SNX31: variants seen among roughly 807,000 people sequenced by gnomAD.
The protein encoded by SNX31 is sorting nexin 31.
Under a neutral mutation model 65.4 loss-of-function variants are expected in SNX31, and 58 were observed. The ratio of observed to expected loss-of-function variants is 0.89; its 90% CI spans 0.72 to 1.10. The LOEUF (loss-of-function observed/expected upper bound fraction) is 1.10. Among genes scored for constraint, SNX31 ranks in the 50% least tolerant of loss-of-function variants. The pLI is 0.00. For synonymous variants in SNX31, 181 were observed against 190.1 expected (o/e 0.95, Z 0.39); for missense variants, 523 against 529.7 (o/e 0.99, Z 0.12).
intron 12 of SNX31, among the ~76,000 whole-genome samples, chr8:100,581,973 T>C (rs1563511740): frequency 6.6e-6 from 1 of 152,172 alleles, no homozygotes; most frequent in Non-Finnish European, 1.5e-5. Context: ...CAAAATCCTC[T>C]TGGAAACCCA....
chr8:100,639,859 G>T (rs1486579661), intron 2 of SNX31, among the ~76,000 whole-genome samples: 3 of 152,056 alleles, frequency 2.0e-5, no homozygotes, highest in Non-Finnish European at 4.4e-5. Flanking sequence ...TATAAGATGG[G>T]CCTGGAGTAC....
intron 12 of SNX31, among the ~76,000 whole-genome samples, chr8:100,580,754 G>C (rs1813421979): frequency 1.3e-5 from 2 of 152,086 alleles, no homozygotes; most frequent in South Asian, 4.1e-4. Flanking sequence ...CCTACCTCTG[G>C]ACTTCTTTTA....
chr8:100,575,636 C>A lies in SNX31; in HGVS notation c.1227+1383G>T, dbSNP rs965093613. 6.6e-6 allele frequency among the ~76,000 whole-genome samples: 1 copy of A among 152,196 alleles called. No homozygotes were observed. Among genetic ancestry groups the A allele is most frequent in the African/African-American group, 2.4e-5 (1 of 41,442 alleles). Reference sequence around the variant, plus strand: ...GGCGTGTTAAAGAGATTGCTGCGGCCTTCCCCCAGAGCTGCTGATCCAGTA... The same window carrying A: ...GGCGTGTTAAAGAGATTGCTGCGGCATTCCCCCAGAGCTGCTGATCCAGTA... On this transcript the variant is annotated intron_variant, in intron 13 of 13. Coordinates refer to ENST00000311812, the MANE Select transcript of SNX31 (RefSeq NM_152628.4). This position sits in a 1 kb window ranked among gnomAD's most constrained non-coding sequence, Gnocchi z 5.1.
chr8:100,599,642 G>C (rs372413998), intron 9 of SNX31, among the ~76,000 whole-genome samples: 5 of 151,744 alleles, frequency 3.3e-5, no homozygotes, highest in Admixed American at 3.3e-4. Context: ...GTTGTATTTC[G>C]TTCAAAAATC....
rs553906071 is a variant in SNX31 at position 100,613,798 on chromosome 8, C to T, written c.433-713G>A. ...TGGACATCTACTCACGCTCCCTTAG[C>T]AGAAAATTCTACACGACCACAGGCT... is the stretch of plus-strand genomic sequence containing the variant. On this transcript the variant is annotated intron_variant, in intron 5 of 13. Coordinates refer to ENST00000311812, the MANE Select transcript of SNX31 (RefSeq NM_152628.4). The surrounding 1 kb of genome is among the most constrained non-coding windows in gnomAD (Gnocchi z 5.2). Among the ~76,000 whole-genome samples, 2 of 152,164 alleles carry T rather than the reference C, an allele frequency of 1.3e-5. No individual in the cohort carries two copies. Among genetic ancestry groups the T allele is most frequent in the African/African-American group, 4.8e-5 (2 of 41,434 alleles).
chr8:100,653,425 A>G (rs1443649061), upstream of SNX31, among the ~76,000 whole-genome samples: 1 of 152,210 alleles, frequency 6.6e-6, no homozygotes, highest in Admixed American at 6.5e-5. Context: ...ATCCTACTGG[A>G]TTAGGGCAGC....
intron 5 of SNX31, among the ~76,000 whole-genome samples, chr8:100,615,621 T>C (rs1586958517): frequency 6.6e-6 from 1 of 152,348 alleles, no homozygotes; most frequent in East Asian, 1.9e-4. Flanking sequence ...GCTATACACC[T>C]AGGCTAGACG....
intron 4 of SNX31, chr8:100,618,304 T>A: frequency 6.5e-7 from 1 of 1,529,412 alleles, no homozygotes; most frequent in Non-Finnish European, 8.8e-7. Flanking sequence ...AAAGTCTGCA[T>A]CCTTAACAGT....
chr8:100,580,856 T>C (rs921719592), intron 12 of SNX31, among the ~76,000 whole-genome samples: 3 of 152,230 alleles, frequency 2.0e-5, no homozygotes, highest in Non-Finnish European at 4.4e-5. Flanking sequence ...CTAACTAATA[T>C]ACTTTATTTT....
Position 100,604,722 on chromosome 8 carries a change from A to T in SNX31, c.681+3772T>A, listed in dbSNP as rs749815486. 2.0e-5 allele frequency among the ~76,000 whole-genome samples: 3 copies of T among 152,228 alleles called. No homozygotes were observed. Among genetic ancestry groups the T allele is most frequent in the Non-Finnish European group, 4.4e-5 (3 of 68,044 alleles). On this transcript the variant is annotated intron_variant, in intron 8 of 13. Coordinates refer to ENST00000311812, the MANE Select transcript of SNX31 (RefSeq NM_152628.4). The surrounding 1 kb of genome is among the most constrained non-coding windows in gnomAD (Gnocchi z 4.3). ...ATTTTTAAACTCAGGTTAAAAGAGG[A>T]GCAGAAGAAAGGAAACAGGCTGTGG...
At chr8:100,601,923 T>C (rs778334533) in intron 8 of SNX31, among the ~76,000 whole-genome samples, 25 of 152,296 alleles carry the variant, frequency 1.6e-4, no homozygotes, top group South Asian at 4.1e-4. Flanking sequence ...GTGCTCTTTC[T>C]CTCTCCTCTT....
Position 100,617,966 on chromosome 8 carries a change from G to A in SNX31, c.322-236C>T, listed in dbSNP as rs1817373676. On this transcript the variant is annotated intron_variant, in intron 4 of 13. Transcript: ENST00000311812. Reference sequence around the variant, plus strand: ...TTTTTAGTAGAGACGGGGTTTTACTGTGTTGGCCAGGCTGGTCTCAAACTC... The same window carrying A: ...TTTTTAGTAGAGACGGGGTTTTACTATGTTGGCCAGGCTGGTCTCAAACTC... 3 of 509,966 alleles carry A rather than the reference G, an allele frequency of 5.9e-6. No individual in the cohort carries two copies. In the African/African-American group the frequency reaches 6.3e-5, roughly 11 times the overall value. 31.6% of individuals were successfully genotyped at this position (509,966 alleles called of 1,614,324 possible).
chr8:100,586,556 G>A (rs1814068125), intron 11 of SNX31, among the ~76,000 whole-genome samples: 3 of 152,132 alleles, frequency 2.0e-5, no homozygotes, highest in African/African-American at 7.2e-5. Flanking sequence ...GAGGTTGGGA[G>A]GTAGTTTTAC....
intron 4 of SNX31, among the ~76,000 whole-genome samples, chr8:100,627,300 C>G (rs113256160): frequency 6.6e-6 from 1 of 152,124 alleles, no homozygotes; most frequent in Non-Finnish European, 1.5e-5. Context: ...TGTGGTGAGC[C>G]GAGATCATGC....
chr8:100,649,343 G>C lies in SNX31; in HGVS notation c.72C>G (p.Tyr24Ter). 2 of 1,613,958 alleles carry C rather than the reference G, an allele frequency of 1.2e-6. No homozygotes were observed. The highest frequency in any genetic ancestry group is 1.7e-6 in the Non-Finnish European group (2 of 1,179,850). ...AGAGGAACCCGTCCAGGTGCACGGA[G>C]TACAGCTGCAAACACACAGACACCC... Reference protein sequence around the residue: ...SDALGGRYVLYSVHLDGFLFC... With the variant: ...SDALGGRYVL The change falls in exon 2 of 14, where the codon TAC becomes TAG. Residue 24 changes from tyrosine to a stop codon, truncating the protein, a stop_gained. Coordinates refer to ENST00000311812, the MANE Select transcript of SNX31 (RefSeq NM_152628.4). LOFTEE classifies it high-confidence loss of function.
intron 4 of SNX31, among the ~76,000 whole-genome samples, chr8:100,623,089 A>G (rs1425062151): frequency 6.6e-6 from 1 of 152,214 alleles, no homozygotes; most frequent in Non-Finnish European, 1.5e-5. Context: ...TAATTGGCTC[A>G]CAGTTCTGCA....
In SNX31 at chr8:100,612,204, A is replaced by T. The variant is rs1477615149; in HGVS notation, c.524-117T>A. ...TTGGAAATAATAAAATCACAGTAAG[A>T]ATATCCTCTGTATTTACACGTAATT... On this transcript the variant is annotated intron_variant, in intron 6 of 13. Coordinates refer to ENST00000311812, the MANE Select transcript of SNX31 (RefSeq NM_152628.4). The surrounding 1 kb of genome is among the most constrained non-coding windows in gnomAD (Gnocchi z 4.3). 3.1e-6 allele frequency: 2 copies of T among 648,070 alleles called. No homozygotes were observed. The highest frequency in any genetic ancestry group is 6.0e-5 in the Admixed American group (2 of 33,300). The allele number at this position is 648,070 out of a possible 1,614,324, so 40.1% of individuals were successfully genotyped here.
rs559079051 is a variant in SNX31 at position 100,574,762 on chromosome 8, C to T, written c.1228-802G>A. 2.6e-5 allele frequency among the ~76,000 whole-genome samples: 4 copies of T among 152,150 alleles called. No individual in the cohort carries two copies. In the East Asian group the frequency reaches 5.8e-4, roughly 22 times the overall value. On this transcript the variant is annotated intron_variant, in intron 13 of 13. Transcript: ENST00000311812. ...CAGCCTGGCCAGCATGGTGAAACCC[C>T]ATCTCTACCAAAACTACAAAAACTA...
chr8:100,640,540 C>G (rs1234282207), intron 2 of SNX31, among the ~76,000 whole-genome samples: 1 of 152,192 alleles, frequency 6.6e-6, no homozygotes, highest in Admixed American at 6.5e-5. Flanking sequence ...AAAGAGAGGA[C>G]AAAAGAGTAA....
Sources: allele counts gnomAD v4.1 joint callset (sites outside exome capture counted in the v4.1 genomes callset), GRCh38; gene constraint gnomAD v4.1.1; non-coding constraint Gnocchi (gnomAD v3.1); transcripts MANE v1.5; gene names NCBI Gene and HGNC (gene_info 2026-07-23, HGNC 2026-07-21).